ITGB1BP1: variants seen among roughly 807,000 people sequenced by gnomAD.
The protein encoded by ITGB1BP1 is integrin subunit beta 1 binding protein 1, also known as integrin beta-1-binding protein 1.
In ITGB1BP1, 20 loss-of-function variants were observed where a neutral mutation model predicts 28.0. The observed-to-expected ratio is 0.71, with a 90% CI of 0.50 to 1.04. ITGB1BP1 has a LOEUF of 1.04. Ranked by LOEUF, ITGB1BP1 falls within the 50% of genes least tolerant of loss-of-function variation. The probability of loss-of-function intolerance (pLI) is 0.00; values close to 1 mark genes in which losing one functional copy is unlikely to be tolerated. For synonymous variants in ITGB1BP1, 103 were observed against 89.5 expected, an observed-to-expected ratio of 1.15 and a Z score of -0.85; for missense variants, 228 against 242.5, an observed-to-expected ratio of 0.94 and a Z score of 0.40.
Position 9,407,434 on chromosome 2 carries a change from G to A in ITGB1BP1, c.531+15C>T, listed in dbSNP as rs1453212092. The A allele has an allele frequency of 3.1e-6, 5 of 1,613,920 alleles. No homozygotes were observed. In the African/African-American group the frequency reaches 6.7e-5, roughly 22 times the overall value. On this transcript the variant is annotated intron_variant, in intron 6 of 6. Transcript: ENST00000355346. Reference sequence around the variant, plus strand: ...CTTGATGGGCAAGCAGCTAACCAAAGTAACGAAGTCTCACCAGGCTGTTGC... The same window carrying A: ...CTTGATGGGCAAGCAGCTAACCAAAATAACGAAGTCTCACCAGGCTGTTGC...
intron 3 of ITGB1BP1, among the ~76,000 whole-genome samples, chr2:9,413,354 A>C (rs909745136): frequency 6.6e-6 from 1 of 151,326 alleles, no homozygotes; most frequent in African/African-American, 2.4e-5. Flanking sequence ...TTTGAGATGG[A>C]GTCTTATTCT....
chr2:9,405,735 T>TA lies in ITGB1BP1; in HGVS notation c.*1098dup, dbSNP rs1315608925. The stretch of plus-strand genomic sequence containing the variant: ...AAAGTTTTGTATATTGACAGTCCTT[T>TA]AAAAAAAGTACACTATCATACTGTA... On this transcript the variant is annotated 3_prime_UTR_variant, in exon 7 of 7. Coordinates refer to ENST00000355346, the MANE Select transcript of ITGB1BP1 (RefSeq NM_004763.5). 1.3e-5 allele frequency: 2 copies of TA among 152,190 alleles called. No individual in the cohort carries two copies. The highest frequency in any genetic ancestry group is 2.4e-5 in the African/African-American group (1 of 41,404). The allele number at this position is 152,190 out of a possible 1,614,324, so 9.4% of individuals were successfully genotyped here.
chr2:9,408,811 T>C (rs1213611223), intron 4 of ITGB1BP1, among the ~76,000 whole-genome samples: 2 of 152,198 alleles, frequency 1.3e-5, no homozygotes, highest in Non-Finnish European at 2.9e-5. Flanking sequence ...TGAGCAAAAT[T>C]CACATCCATC....
At chr2:9,419,370 C>T (rs1038049196) in intron 1 of ITGB1BP1, among the ~76,000 whole-genome samples, 2 of 152,146 alleles carry the variant, frequency 1.3e-5, no homozygotes, top group African/African-American at 2.4e-5. Flanking sequence ...GCTTTTCAGT[C>T]GAGATACTAA....
chr2:9,409,469 T>C (rs1678018129), intron 4 of ITGB1BP1, among the ~76,000 whole-genome samples: 1 of 152,282 alleles, frequency 6.6e-6, no homozygotes, highest in Non-Finnish European at 1.5e-5. Context: ...AGAAATTTAG[T>C]AGTCCTTATA....
Position 9,423,467 on chromosome 2 carries a change from C to G in ITGB1BP1, c.-130G>C. On this transcript the variant is annotated 5_prime_UTR_variant, in exon 1 of 7. Transcript: ENST00000355346. ...GCCCAGGCAGCTACTCCCGTTCCCG[C>G]TCCAGCGCCGGCTTTTCCAGCCCTC... 2 of 1,181,888 alleles carry G rather than the reference C, an allele frequency of 1.7e-6. No homozygotes were observed. The highest frequency in any genetic ancestry group is 2.1e-6 in the Non-Finnish European group (2 of 946,272). 73.2% of individuals were successfully genotyped at this position (1,181,888 alleles called of 1,614,324 possible).
chr2:9,422,756 C>A, intron 1 of ITGB1BP1: 1 of 985,632 alleles, frequency 1.0e-6, no homozygotes, highest in South Asian at 4.7e-5. Flanking sequence ...ACGTGCCATG[C>A]ACGGTGCTAG....
At chr2:9,419,264 A>C (rs923895662) in intron 1 of ITGB1BP1, among the ~76,000 whole-genome samples, 2 of 152,256 alleles carry the variant, frequency 1.3e-5, no homozygotes, top group Non-Finnish European at 2.9e-5. Context: ...ACTTTTCTCA[A>C]AATTTTCAGA....
chr2:9,410,491 T>A (rs944768359), intron 4 of ITGB1BP1, among the ~76,000 whole-genome samples: 3 of 152,042 alleles, frequency 2.0e-5, no homozygotes, highest in African/African-American at 7.2e-5. Flanking sequence ...AGGGCTGGAG[T>A]GCAGTGGCAC....
At chr2:9,421,799 C>T (rs1013731816) in intron 1 of ITGB1BP1, among the ~76,000 whole-genome samples, 4 of 152,136 alleles carry the variant, frequency 2.6e-5, no homozygotes, top group East Asian at 1.9e-4. Context: ...CTGAACCCAT[C>T]ATCCTCCCCT....
At chr2:9,423,123 C>T (rs1680101825) in intron 1 of ITGB1BP1, 2 of 1,010,990 alleles carry the variant, frequency 2.0e-6, no homozygotes, top group South Asian at 6.7e-5. Context: ...CTTGCCGCCC[C>T]TCCGGGGCGA....
chr2:9,407,003 T>C, intron 6 of ITGB1BP1, 98 bp from the exon 7 acceptor site: 1 of 885,538 alleles, frequency 1.1e-6, no homozygotes, highest in Non-Finnish European at 1.9e-6. Context: ...TCTTAAGACC[T>C]CTCCTAAGCA....
intron 1 of ITGB1BP1, chr2:9,423,155 T>C: frequency 2.0e-6 from 2 of 1,005,056 alleles, no homozygotes; most frequent in Non-Finnish European, 2.4e-6. Context: ...GAAGCTGCAG[T>C]CCGCAAGCCC....
intron 1 of ITGB1BP1, 120 bp downstream of exon 1, chr2:9,423,253 T>G: frequency 8.6e-7 from 1 of 1,157,600 alleles, no homozygotes; most frequent in Non-Finnish European, 1.1e-6. Context: ...CAGGCATCCC[T>G]CCTCCGCCCG....
chr2:9,408,359 C>G (rs1367009896), intron 4 of ITGB1BP1, 154 bp from the exon 5 acceptor site: 2 of 594,930 alleles, frequency 3.4e-6, no homozygotes, highest in Non-Finnish European at 6.1e-6. Context: ...CTCCCAGAGG[C>G]AGAAGAAACA....
intron 1 of ITGB1BP1, among the ~76,000 whole-genome samples, chr2:9,419,372 A>T (rs916455713): frequency 6.6e-6 from 1 of 152,198 alleles, no homozygotes; most frequent in African/African-American, 2.4e-5. Flanking sequence ...TTTTCAGTCG[A>T]GATACTAAGA....
At chr2:9,412,108 C>T (rs1678495750) in intron 4 of ITGB1BP1, 161 bp downstream of exon 4, 3 of 630,862 alleles carry the variant, frequency 4.8e-6, no homozygotes, top group South Asian at 1.8e-5. Context: ...TCCCATGCAG[C>T]TCAGCGCTCA....
At chr2:9,408,254 G>C in intron 4 of ITGB1BP1, 49 bp from the exon 5 acceptor site, 2 of 1,152,050 alleles carry the variant, frequency 1.7e-6, no homozygotes. Context: ...TTACATAATA[G>C]TCTTAAGTCT....
chr2:9,420,489 T>C (rs1490196036), intron 1 of ITGB1BP1, among the ~76,000 whole-genome samples: 1 of 152,060 alleles, frequency 6.6e-6, no homozygotes, highest in Non-Finnish European at 1.5e-5. Context: ...AAACCACTGC[T>C]ATGAGGAAAA....
Sources: gnomAD v4.1 joint callset for allele counts (sites outside exome capture counted in the v4.1 genomes callset) on GRCh38, gnomAD v4.1.1 for gene constraint, MANE v1.5 for transcripts, NCBI Gene and HGNC (gene_info 2026-07-23, HGNC 2026-07-21) for gene names.